Variants in CRTC3 observed in about 807,000 individuals in gnomAD.
CRTC3 encodes the protein CREB regulated transcription coactivator 3, also known as CREB-regulated transcription coactivator 3.
In CRTC3, 26 loss-of-function variants were observed where a neutral mutation model predicts 74.5. The ratio of observed to expected loss-of-function variants is 0.35; its 90% CI spans 0.26 to 0.48. The LOEUF is 0.48. Among genes scored for constraint, CRTC3 ranks in the 20% least tolerant of loss-of-function variants. CRTC3 has a pLI of 0.99. For synonymous variants in CRTC3, 377 were observed against 325.8 expected, an observed-to-expected ratio of 1.16 and a Z score of -1.69; for missense variants, 760 against 787.3, an observed-to-expected ratio of 0.97 and a Z score of 0.41.
chr15:90,545,691 C>G (rs1008181433), intron 2 of CRTC3, among the ~76,000 whole-genome samples: 1 of 152,182 alleles, frequency 6.6e-6, no homozygotes, highest in Admixed American at 6.5e-5. Flanking sequence ...ATTCTCCTGC[C>G]TCAGCCTCCC....
intron 2 of CRTC3, among the ~76,000 whole-genome samples, chr15:90,584,687 G>A (rs1967619468): frequency 6.6e-6 from 1 of 152,104 alleles, no homozygotes; most frequent in African/African-American, 2.4e-5. Context: ...AGCATCATGG[G>A]CAAGCTGGAG....
At chr15:90,605,297 C>T (rs1968187709) in intron 5 of CRTC3, among the ~76,000 whole-genome samples, 2 of 152,020 alleles carry the variant, frequency 1.3e-5, no homozygotes. Context: ...TTTAAATATA[C>T]TCAAACAGAA....
At chr15:90,571,797 CGT>C (rs1294319430) in intron 2 of CRTC3, among the ~76,000 whole-genome samples, 1 of 151,980 alleles carries the variant, frequency 6.6e-6, no homozygotes, top group Non-Finnish European at 1.5e-5. Flanking sequence ...TATATGCAAG[CGT>C]GTGTGTGTAT....
intron 11 of CRTC3, chr15:90,634,720 G>T: frequency 1.3e-6 from 1 of 746,108 alleles, no homozygotes; most frequent in Non-Finnish European, 2.4e-6. Context: ...GAGGCGAAGG[G>T]AGTCATGGCA....
chr15:90,542,236 T>A (rs1298529566), intron 2 of CRTC3, among the ~76,000 whole-genome samples: 6 of 151,066 alleles, frequency 4.0e-5, no homozygotes, highest in African/African-American at 1.5e-4. Flanking sequence ...TGGAGTGCAA[T>A]AGCGCGATCT....
intron 2 of CRTC3, among the ~76,000 whole-genome samples, chr15:90,568,792 C>T (rs2151068786): frequency 6.6e-6 from 1 of 152,284 alleles, no homozygotes; most frequent in African/African-American, 2.4e-5. Context: ...GTTCAGCAAC[C>T]ACCACTGATC....
chr15:90,614,356 C>G, intron 6 of CRTC3, 97 bp from the exon 7 acceptor site: 1 of 884,390 alleles, frequency 1.1e-6, no homozygotes, highest in Non-Finnish European at 1.7e-6. Context: ...TTTCAAAATT[C>G]TATTTCAAAT....
chr15:90,619,711 G>A, intron 8 of CRTC3, 30 bp from the exon 9 acceptor site: 1 of 1,609,232 alleles, frequency 6.2e-7, no homozygotes, highest in South Asian at 1.1e-5. Flanking sequence ...TTTACAGCGA[G>A]TAAGCCCAGC....
chr15:90,612,058 G>A (rs1292459702), intron 6 of CRTC3, among the ~76,000 whole-genome samples: 5 of 15,578 alleles, frequency 3.2e-4, no homozygotes, highest in Admixed American at 2.2e-3. Context: ...CTCCTCCTCC[G>A]CCTCCACCTC....
chr15:90,618,203 A>AT (rs1402337495), intron 8 of CRTC3: 4 of 108,710 alleles, frequency 3.7e-5, no homozygotes, highest in African/African-American at 9.2e-5. Flanking sequence ...GAATTGACTT[A>AT]TTTAAAAAAA....
chr15:90,634,188 T>C (rs1969150340), intron 11 of CRTC3, among the ~76,000 whole-genome samples: 1 of 151,292 alleles, frequency 6.6e-6, no homozygotes, highest in South Asian at 2.1e-4. Flanking sequence ...CTCGGCTCAT[T>C]GTAACCTCCG....
At position 90,569,243 on chromosome 15, in the gene CRTC3, G is replaced by A. The variant is rs144351153; in HGVS notation, c.232-24393G>A. ...GGTCTCAAACTCCTGGCTTTAAGCCGTCTTCCTGCCTTGGCCTCCCAAAGT... is the reference window on the plus strand; with the variant it reads ...GGTCTCAAACTCCTGGCTTTAAGCCATCTTCCTGCCTTGGCCTCCCAAAGT... On this transcript the variant is annotated intron_variant, in intron 2 of 14. Transcript: ENST00000268184. Among the ~76,000 whole-genome samples, 742 of 149,614 alleles carry A rather than the reference G, an allele frequency of 5.0e-3. 10 individuals carry two copies. Among genetic ancestry groups the A allele is most frequent in the African/African-American group, 0.017 (688 of 40,640 alleles).
chr15:90,643,356 T>C lies in CRTC3; in HGVS notation c.*1216T>C, dbSNP rs989978574. 10 of 229,432 alleles carry C rather than the reference T, an allele frequency of 4.4e-5. No individual in the cohort carries two copies. The highest frequency in any genetic ancestry group is 1.3e-3 in the Middle Eastern group (1 of 774). 14.2% of individuals were successfully genotyped at this position (229,432 alleles called of 1,614,324 possible). ...ATGCACTTTAATATGCTTTTAACACTAGGTGACCAAATCACAGTGAAGCCG... is the reference window on the plus strand; with the variant it reads ...ATGCACTTTAATATGCTTTTAACACCAGGTGACCAAATCACAGTGAAGCCG... On this transcript the variant is annotated 3_prime_UTR_variant, in exon 15 of 15. Coordinates refer to ENST00000268184, the MANE Select transcript of CRTC3 (RefSeq NM_022769.5).
chr15:90,625,171 A>ACT (rs1191662167), intron 9 of CRTC3: 1 of 153,932 alleles, frequency 6.5e-6, no homozygotes, highest in Non-Finnish European at 1.4e-5. Context: ...CTTCTTTTAT[A>ACT]CTCTTGCTCC....
At chr15:90,608,850 ACATTT>A (rs1338785096) in intron 6 of CRTC3, among the ~76,000 whole-genome samples, 1 of 152,242 alleles carries the variant, frequency 6.6e-6, no homozygotes, top group Non-Finnish European at 1.5e-5. Context: ...TCATTCAGAC[ACATTT>A]CAAGCCTACC....
intron 2 of CRTC3, among the ~76,000 whole-genome samples, chr15:90,553,947 T>A (rs1966869577): frequency 6.6e-6 from 1 of 152,148 alleles, no homozygotes; most frequent in Non-Finnish European, 1.5e-5. Flanking sequence ...TGGCAGAAGC[T>A]TTAGGGCAGT....
intron 9 of CRTC3, among the ~76,000 whole-genome samples, chr15:90,622,338 A>G (rs1461303565): frequency 1.3e-5 from 2 of 152,178 alleles, no homozygotes; most frequent in Non-Finnish European, 2.9e-5. Context: ...CCTGTTTCAC[A>G]GTGGTCACAT....
chr15:90,543,300 C>CAA (rs10678466), intron 2 of CRTC3, among the ~76,000 whole-genome samples: 67,992 of 107,848 alleles, frequency 0.63, 22,160 homozygotes, highest in Non-Finnish European at 0.69. Context: ...AACCCTGTCT[C>CAA]AAAAAAAAAA....
At chr15:90,626,904 C>CACTG (rs1968854159) in intron 10 of CRTC3, among the ~76,000 whole-genome samples, 1 of 152,238 alleles carries the variant, frequency 6.6e-6, no homozygotes, top group African/African-American at 2.4e-5. Context: ...CGTGAGCCAC[C>CACTG]ACTGACATAC....
Sources: gnomAD v4.1 joint callset for allele counts (sites outside exome capture counted in the v4.1 genomes callset) on GRCh38, gnomAD v4.1.1 for gene constraint, MANE v1.5 for transcripts, NCBI Gene and HGNC (gene_info 2026-07-23, HGNC 2026-07-21) for gene names.